The following TTLL8 variants were observed in gnomAD, a reference collection of about 807,000 sequenced individuals.
TTLL8 encodes protein monoglycylase TTLL8.
In TTLL8, 65 loss-of-function variants were observed where a neutral mutation model predicts 77.8. The observed-to-expected ratio is 0.84, with a 90% CI of 0.68 to 1.03. The LOEUF is 1.03. Among genes scored for constraint, TTLL8 ranks in the 50% least tolerant of loss-of-function variants. The probability of loss-of-function intolerance (pLI) is 0.00; values close to 1 mark genes in which losing one functional copy is unlikely to be tolerated. For synonymous variants in TTLL8, 402 were observed against 422.8 expected, an observed-to-expected ratio of 0.95 and a Z score of 0.60; for missense variants, 910 against 1,004.5, an observed-to-expected ratio of 0.91 and a Z score of 1.27.
chr22:50,056,732 C>T (rs1336564703), upstream of TTLL8: 10 of 1,262,974 alleles, frequency 7.9e-6, no homozygotes, highest in African/African-American at 3.1e-5. The surrounding 1 kb of genome is among the most constrained non-coding windows in gnomAD (Gnocchi z 4.1). Context: ...CAAGAGAAGG[C>T]GCCTGGTTCT....
At chr22:50,045,106 C>T in intron 6 of TTLL8, 149 bp downstream of exon 8, 5 of 942,874 alleles carry the variant, frequency 5.3e-6, no homozygotes, top group South Asian at 5.0e-5. Context: ...AACCCGTCTG[C>T]CATGAGAATC....
At chr22:50,048,604 G>A (rs1461547746) in intron 3 of TTLL8, among the ~76,000 whole-genome samples, 1 of 152,218 alleles carries the variant, frequency 6.6e-6, no homozygotes, top group Non-Finnish European at 1.5e-5. Context: ...ATGCTCTGTA[G>A]GAATGGCACT....
At chr22:50,050,802 C>T (rs1332961596) in intron 1 of TTLL8, among the ~76,000 whole-genome samples, 1 of 152,196 alleles carries the variant, frequency 6.6e-6, no homozygotes. Context: ...CATGCAGCCC[C>T]CAGTCACGTT....
At chr22:50,028,520 C>T (rs1220543559) in intron 12 of TTLL8, among the ~76,000 whole-genome samples, 1 of 152,156 alleles carries the variant, frequency 6.6e-6, no homozygotes, top group Non-Finnish European at 1.5e-5. Context: ...TGGGTCCCAG[C>T]CCCTGAATCG....
chr22:50,024,421 G>A lies in TTLL8; in HGVS notation c.2203+6009C>T, dbSNP rs538550725. Among the ~76,000 whole-genome samples, 22 of 152,248 alleles carry A rather than the reference G, an allele frequency of 1.4e-4. 1 individual carries two copies. The highest frequency in any genetic ancestry group is 3.6e-4 in the African/African-American group (15 of 41,548). ...GTTACAGGTGTGAGCCACCACTGTCGTATTTGAAAACTTCGAAGACAGTGT... is the reference window on the plus strand; with the variant it reads ...GTTACAGGTGTGAGCCACCACTGTCATATTTGAAAACTTCGAAGACAGTGT... On this transcript the variant is annotated intron_variant, in intron 12 of 13. Coordinates refer to ENST00000266182, the Ensembl canonical transcript of TTLL8.
At chr22:50,043,613 C>CGA (rs1382000384) in intron 6 of TTLL8, among the ~76,000 whole-genome samples, 17,414 of 140,362 alleles carry the variant, frequency 0.12, no homozygotes, top group Middle Eastern at 0.13. Flanking sequence ...ACAGTGGTGC[C>CGA]GACGTGTCCT....
At chr22:50,057,611 G>GTC (rs1569237329), upstream of TTLL8, among the ~76,000 whole-genome samples, 9 of 35,218 alleles carry the variant, frequency 2.6e-4, 3 homozygotes, top group East Asian at 6.8e-3. Flanking sequence ...GGTTGAGCGG[G>GTC]AGGTCTGGGT....
exon 6 of TTLL8, chr22:50,045,277 G>A (rs781359693): frequency 1.1e-4 from 156 of 1,358,574 alleles, no homozygotes; most frequent in Non-Finnish European, 1.5e-4. Flanking sequence ...TCAGGTCGCT[G>A]CTCCCGGCCT....
chr22:50,029,621 C>T (rs376288017), intron 12 of TTLL8, among the ~76,000 whole-genome samples: 2 of 152,292 alleles, frequency 1.3e-5, no homozygotes, highest in East Asian at 3.9e-4. Context: ...GTCCCAGCTA[C>T]TCGGGAGGCT....
intron 12 of TTLL8, among the ~76,000 whole-genome samples, chr22:50,022,706 G>A (rs993786111): frequency 1.3e-5 from 2 of 152,170 alleles, no homozygotes; most frequent in East Asian, 1.9e-4. Flanking sequence ...AGAAACTCCT[G>A]CCCACTCTTA....
chr22:50,038,024 C>CAT (rs1381400343), intron 8 of TTLL8, among the ~76,000 whole-genome samples: 3 of 152,166 alleles, frequency 2.0e-5, no homozygotes, highest in Non-Finnish European at 4.4e-5. Context: ...CACACACACA[C>CAT]ACACGTTTAT....
chr22:50,041,324 C>T lies in TTLL8; in HGVS notation c.831-47G>A, dbSNP rs190267113. The T allele has an allele frequency of 4.1e-4, 211 of 519,448 alleles. No individual in the cohort carries two copies. Among genetic ancestry groups the T allele is most frequent in the African/African-American group, 3.8e-3 (192 of 50,162 alleles). The allele number at this position is 519,448 out of a possible 1,614,324, so 32.2% of individuals were successfully genotyped here. ...AACAGTCATCAGGGTCCTGGTGGGA[C>T]AGGCAACAGAGGGCCTGGGCACCCC... On this transcript the variant is annotated intron_variant, in intron 7 of 13. Coordinates refer to ENST00000266182, the Ensembl canonical transcript of TTLL8. This position sits in a 1 kb window ranked among gnomAD's most constrained non-coding sequence, Gnocchi z 4.3.
intron 12 of TTLL8, among the ~76,000 whole-genome samples, chr22:50,028,624 C>T (rs1338086321): frequency 9.9e-6 from 1 of 101,238 alleles, no homozygotes; most frequent in African/African-American, 3.3e-5. Context: ...TCCTGAAGAC[C>T]CCCACATACC....
chr22:50,033,587 G>A, intron 9 of TTLL8, 142 bp from the exon 11 acceptor site: 3 of 659,334 alleles, frequency 4.6e-6, no homozygotes, highest in Non-Finnish European at 4.5e-6. Flanking sequence ...ATGGTTGGTG[G>A]GGGCGATGGG....
In TTLL8 at chr22:50,034,255, C is replaced by A. The variant is rs1601918498; in HGVS notation, c.1039+90G>T. The A allele has an allele frequency of 8.0e-7, 1 of 1,250,460 alleles. No individual in the cohort carries two copies. Among genetic ancestry groups the A allele is most frequent in the Non-Finnish European group, 1.0e-6 (1 of 965,210 alleles). The allele number at this position is 1,250,460 out of a possible 1,614,324, so 77.5% of individuals were successfully genotyped here. On this transcript the variant is annotated intron_variant, in intron 9 of 13. Transcript: ENST00000266182. The surrounding 1 kb of genome is among the most constrained non-coding windows in gnomAD (Gnocchi z 4.1). ...CTCCCTCCCTTCCTTCCCTGTGGTG[C>A]TGTGGGCCTGAAACTGTCCCTCACT...
upstream of TTLL8, chr22:50,055,423 G>C (rs1325040870): frequency 1.1e-6 from 1 of 916,078 alleles, no homozygotes; most frequent in African/African-American, 1.7e-5. Context: ...GGAGGCCGAG[G>C]TGGTTGGATC....
chr22:50,031,478 C>T (rs2061292043), intron 11 of TTLL8: 5 of 918,006 alleles, frequency 5.4e-6, no homozygotes, highest in African/African-American at 3.6e-5. Context: ...GCCCCTTCCT[C>T]GGTGCCGACG....
At chr22:50,037,993 A>T (rs1025233881) in intron 8 of TTLL8, among the ~76,000 whole-genome samples, 1 of 151,978 alleles carries the variant, frequency 6.6e-6, no homozygotes, top group African/African-American at 2.4e-5. Flanking sequence ...TGAGTCTTCT[A>T]AGTCATTAAC....
upstream of TTLL8, among the ~76,000 whole-genome samples, chr22:50,058,023 AG>A (rs1302351890): frequency 9.7e-6 from 1 of 102,692 alleles, no homozygotes; most frequent in Non-Finnish European, 2.1e-5. This position sits in a 1 kb window ranked among gnomAD's most constrained non-coding sequence, Gnocchi z 4.2. Context: ...CGGGGCGGGG[AG>A]GGGGTAGGCC....
Sources: gnomAD v4.1 joint callset for allele counts (sites outside exome capture counted in the v4.1 genomes callset) on GRCh38, gnomAD v4.1.1 for gene constraint, Gnocchi (gnomAD v3.1) non-coding constraint, MANE v1.5 for transcripts, NCBI Gene and HGNC (gene_info 2026-07-23, HGNC 2026-07-21) for gene names.